Variants in TAX1BP1 observed in about 807,000 individuals in gnomAD.
The protein encoded by TAX1BP1 is tax1-binding protein 1.
TAX1BP1 carries 62 observed loss-of-function variants against 97.7 expected under a neutral mutation model. That is an observed-to-expected ratio of 0.63 (90% CI 0.52 to 0.78). The LOEUF is 0.78. TAX1BP1 is among the 30% of genes least tolerant of loss of function. TAX1BP1 has a pLI of 0.00. For synonymous variants in TAX1BP1, 340 were observed against 304.2 expected (o/e 1.12, Z -1.23); for missense variants, 867 against 916.1 (o/e 0.95, Z 0.69).
rs113063148 is a variant in TAX1BP1 at position 27,814,042 on chromosome 7, C to T, written c.1765-2307C>T. ...AAGAAATAACTCCTCATGATCCGCC[C>T]GCCTCGGCCTCCCAAAGTGCTGGGA... On this transcript the variant is annotated intron_variant, in intron 13 of 16. Coordinates refer to ENST00000396319, the MANE Select transcript of TAX1BP1 (RefSeq NM_006024.7). 7.7e-3 allele frequency among the ~76,000 whole-genome samples: 1,159 copies of T among 151,324 alleles called. 15 individuals carry two copies. The highest frequency in any genetic ancestry group is 0.027 in the African/African-American group (1,104 of 41,188).
At chr7:27,787,358 C>T (rs1488190773) in intron 7 of TAX1BP1, 60 bp from the exon 8 acceptor site, 1 of 1,399,694 alleles carries the variant, frequency 7.1e-7, no homozygotes, top group East Asian at 2.4e-5. Flanking sequence ...GTATTTTAAA[C>T]TTTGACTAAC....
chr7:27,822,235 C>A (rs1440781480), intron 15 of TAX1BP1, among the ~76,000 whole-genome samples: 1 of 152,140 alleles, frequency 6.6e-6, no homozygotes. Context: ...TCAACCTGTC[C>A]CACATTTTGT....
At position 27,824,698 on chromosome 7, in the gene TAX1BP1, G is replaced by T. The variant is rs373475369; in HGVS notation, c.2086-3040G>T. The stretch of plus-strand genomic sequence containing the variant: ...GTTTCAAATTGAATGTCAGTTTATC[G>T]TAGCTTGTTTCCTTTGCTTAAAAAC... On this transcript the variant is annotated intron_variant, in intron 15 of 16. Coordinates refer to ENST00000396319, the MANE Select transcript of TAX1BP1 (RefSeq NM_006024.7). Among the ~76,000 whole-genome samples the T allele has an allele frequency of 7.6e-4, 115 of 152,066 alleles. 1 individual carries two copies. The South Asian group carries it at 0.023, about 30-fold the overall frequency.
chr7:27,765,857 G>A lies in TAX1BP1; in HGVS notation c.289G>A (p.Gly97Arg). 6.2e-7 allele frequency: 1 copy of A among 1,613,702 alleles called. No individual in the cohort carries two copies. The highest frequency in any genetic ancestry group is 8.5e-7 in the Non-Finnish European group (1 of 1,179,692). ...AGGATATTACCTTCCAAATGATGAT[G>A]GAGAATTTTATCAGTTCTGTTACGT... ...FQGYYLPNDD[G>R]EFYQFCYVTH... Residue 97 changes from glycine to arginine, a missense_variant, in exon 4 of 17, where the codon GGA becomes AGA. Around this residue, in one of 3 missense-constraint regions of TAX1BP1, gnomAD observed 822 missense variants for 851.4 expected, o/e 0.97. Transcript: ENST00000396319.
chr7:27,809,920 T>C (rs1274695466), intron 13 of TAX1BP1, among the ~76,000 whole-genome samples: 1 of 152,130 alleles, frequency 6.6e-6, no homozygotes, highest in Non-Finnish European at 1.5e-5. Context: ...CTTTTTTTTT[T>C]TGGGAGACGG....
rs756438020 is a variant in TAX1BP1 at position 27,785,259 on chromosome 7, G to C, written c.709G>C (p.Asp237His). ...ATSKAHQLEEDIVSVTHKAIE... is the reference protein window; with the variant it reads ...ATSKAHQLEEHIVSVTHKAIE... ...ATCCAAAGCCCATCAGCTTGAGGAA[G>C]ATATTGTGTCAGTAACACATAAAGC... is the stretch of plus-strand genomic sequence containing the variant. Residue 237 changes from aspartate to histidine, a missense_variant, in exon 6 of 17, where the codon GAT becomes CAT. This residue lies in a region of TAX1BP1 where 822 missense variants were observed against 851.4 expected (regional missense o/e 0.97). Transcript: ENST00000396319. 1 of 1,613,252 alleles carries C rather than the reference G, an allele frequency of 6.2e-7. No homozygotes were observed.
chr7:27,760,100 C>T (rs1004448500), intron 3 of TAX1BP1, among the ~76,000 whole-genome samples: 4 of 152,008 alleles, frequency 2.6e-5, no homozygotes, highest in Admixed American at 6.6e-5. Flanking sequence ...GTGATCCACC[C>T]GCCTCGGCCT....
At chr7:27,798,506 A>C (rs149369780) in intron 12 of TAX1BP1, among the ~76,000 whole-genome samples, 2 of 152,070 alleles carry the variant, frequency 1.3e-5, no homozygotes, top group African/African-American at 4.8e-5. Flanking sequence ...TCTACTAAAA[A>C]TACAAAAATT....
chr7:27,785,227 A>G lies in TAX1BP1; in HGVS notation c.677A>G (p.Asp226Gly), dbSNP rs1290234824. The change falls in exon 6 of 17, where the codon GAT (aspartate) becomes GGT (glycine). Residue 226 changes from aspartate (D) to glycine (G), a missense_variant. Around this residue, in one of 3 missense-constraint regions of TAX1BP1, gnomAD observed 822 missense variants for 851.4 expected, o/e 0.97. Transcript: ENST00000396319. ...GAAGAGTTTAAGAAGAGGTTCAGTG[A>G]TGCTACATCCAAAGCCCATCAGCTT... Reference protein sequence around the residue: ...ENEEFKKRFSDATSKAHQLEE... With the variant: ...ENEEFKKRFSGATSKAHQLEE... 1 of 1,613,490 alleles carries G rather than the reference A, an allele frequency of 6.2e-7. No homozygotes were observed. The highest frequency in any genetic ancestry group is 2.2e-5 in the East Asian group (1 of 44,792).
intron 15 of TAX1BP1, among the ~76,000 whole-genome samples, chr7:27,827,247 G>A (rs1289147998): frequency 2.0e-5 from 3 of 152,048 alleles, no homozygotes; most frequent in Admixed American, 2.0e-4. Flanking sequence ...CAGCTACTCA[G>A]GAGGCTGAGG....
intron 5 of TAX1BP1, among the ~76,000 whole-genome samples, chr7:27,777,539 T>G (rs142946579): frequency 6.6e-6 from 1 of 152,116 alleles, no homozygotes; most frequent in African/African-American, 2.4e-5. Flanking sequence ...CCTTTTTGGG[T>G]GATTCTTTCT....
At position 27,796,131 on chromosome 7, in the gene TAX1BP1, A is replaced by C; in HGVS notation, c.1550A>C (p.Asp517Ala). 1 of 1,606,388 alleles carries C rather than the reference A, an allele frequency of 6.2e-7. No homozygotes were observed. The highest frequency in any genetic ancestry group is 1.7e-5 in the Admixed American group (1 of 57,880). ...PSPSAAEADF[D>A]IVTKGQVCEM... ...CTTTCTACAGCAGAGGCAGATTTTG[A>C]CATAGTAACAAAGGGGCAAGTCTGT... Residue 517 changes from aspartate (D) to alanine (A), a missense_variant, in exon 12 of 17, where the codon GAC becomes GCC. Physicochemically the swap from Asp to Ala is moderately radical, Grantham distance 126 (BLOSUM62 -2). This residue lies in a region of TAX1BP1 where 822 missense variants were observed against 851.4 expected (regional missense o/e 0.97). Transcript: ENST00000396319.
chr7:27,792,018 T>G lies in TAX1BP1; in HGVS notation c.1051T>G (p.Phe351Val). ...CTGCTTTCTTCAGGAAGATACTTGT[T>G]TTTTAAAGGAGCAACTTCGTAAAGC... ...LTTSSKEDTCFLKEQLRKAEE... is the reference protein window; with the variant it reads ...LTTSSKEDTCVLKEQLRKAEE... The change falls in exon 9 of 17, where the codon TTT becomes GTT. Residue 351 changes from phenylalanine to valine, a missense_variant. Transcript: ENST00000396319. 6.2e-7 allele frequency: 1 copy of G among 1,613,992 alleles called. No individual in the cohort carries two copies. Among genetic ancestry groups the G allele is most frequent in the South Asian group, 1.1e-5 (1 of 91,060 alleles).
At chr7:27,741,495 C>G (rs893047676) in intron 1 of TAX1BP1, among the ~76,000 whole-genome samples, 1 of 151,128 alleles carries the variant, frequency 6.6e-6, no homozygotes, top group Non-Finnish European at 1.5e-5. Context: ...CTAGTCATCA[C>G]GTTCTTTTTT....
chr7:27,794,210 C>A, intron 10 of TAX1BP1, 113 bp from the exon 11 acceptor site: 1 of 946,960 alleles, frequency 1.1e-6, no homozygotes, highest in Non-Finnish European at 1.5e-6. Flanking sequence ...GCTTTGTGGA[C>A]TTCTTAGGAT....
intron 5 of TAX1BP1, among the ~76,000 whole-genome samples, chr7:27,776,562 T>G (rs1789039227): frequency 6.6e-6 from 1 of 152,120 alleles, no homozygotes; most frequent in Non-Finnish European, 1.5e-5. Context: ...CTTACTATTT[T>G]TAAGATTTAC....
At chr7:27,779,859 G>A (rs575716329) in intron 5 of TAX1BP1, among the ~76,000 whole-genome samples, 3 of 152,280 alleles carry the variant, frequency 2.0e-5, no homozygotes, top group African/African-American at 7.2e-5. Flanking sequence ...TAGAAACTTG[G>A]TCACTGACAT....
At chr7:27,792,586 G>GT (rs1391101871) in intron 9 of TAX1BP1, among the ~76,000 whole-genome samples, 1 of 152,108 alleles carries the variant, frequency 6.6e-6, no homozygotes, top group African/African-American at 2.4e-5. Flanking sequence ...TTTTTCTCTA[G>GT]TTTTTTAAAT....
chr7:27,743,249 C>T (rs1005372103), intron 1 of TAX1BP1, among the ~76,000 whole-genome samples: 7 of 152,120 alleles, frequency 4.6e-5, no homozygotes, highest in Non-Finnish European at 7.4e-5. Context: ...TTTGCTGTTG[C>T]CTCCTAGAAA....
Sources: gnomAD v4.1 joint callset for allele counts (sites outside exome capture counted in the v4.1 genomes callset) on GRCh38, gnomAD v4.1.1 for gene constraint, gnomAD v4.1.1 regional missense constraint, MANE v1.5 for transcripts, NCBI Gene and HGNC (gene_info 2026-07-23, HGNC 2026-07-21) for gene names.